The following CDK14 variants were observed in gnomAD, a reference collection of about 807,000 sequenced individuals.
CDK14 encodes the protein cyclin-dependent kinase 14.
Under a neutral mutation model 60.7 loss-of-function variants are expected in CDK14, and 34 were observed. The ratio of observed to expected loss-of-function variants is 0.56; its 90% CI spans 0.43 to 0.75. CDK14 has a LOEUF of 0.75. Among genes scored for constraint, CDK14 ranks in the 30% least tolerant of loss-of-function variants. The pLI is 0.00. For missense variants in CDK14, 482 were observed against 564.1 expected (o/e 0.85, Z 1.47); for synonymous variants, 197 against 203.7 (o/e 0.97, Z 0.28).
chr7:90,816,016 A>G (rs1310391920), intron 5 of CDK14, among the ~76,000 whole-genome samples: 2 of 152,138 alleles, frequency 1.3e-5, no homozygotes, highest in Non-Finnish European at 2.9e-5. Context: ...GCAAACCACC[A>G]TGGCACGTGT....
chr7:91,174,585 G>A (rs1351500743), intron 14 of CDK14, among the ~76,000 whole-genome samples: 1 of 142,944 alleles, frequency 7.0e-6, no homozygotes, highest in Admixed American at 7.5e-5. Context: ...TGTATAACTA[G>A]AATAACCAAT....
chr7:90,887,352 G>A (rs905318654), intron 6 of CDK14, among the ~76,000 whole-genome samples: 2 of 151,916 alleles, frequency 1.3e-5, no homozygotes, highest in Non-Finnish European at 2.9e-5. Flanking sequence ...CTTAAATCAC[G>A]GAGATCTTAC....
intron 9 of CDK14, among the ~76,000 whole-genome samples, chr7:90,963,039 C>G (rs1017584429): frequency 3.3e-5 from 5 of 150,446 alleles, no homozygotes; most frequent in African/African-American, 9.8e-5. Context: ...CTGCCTGTGT[C>G]TTGAGAATCA....
chr7:90,699,701 A>G (rs1470002910), intron 2 of CDK14, among the ~76,000 whole-genome samples: 1 of 152,150 alleles, frequency 6.6e-6, no homozygotes, highest in African/African-American at 2.4e-5. Flanking sequence ...AAATCTCTGA[A>G]ACAAGGTGGA....
chr7:90,728,390 C>T (rs1802718647), intron 3 of CDK14, among the ~76,000 whole-genome samples: 2 of 151,622 alleles, frequency 1.3e-5, no homozygotes, highest in South Asian at 2.1e-4. Flanking sequence ...TTTCTTTTCC[C>T]TATTATTTTA....
chr7:90,819,643 A>G (rs1789473971), intron 5 of CDK14, among the ~76,000 whole-genome samples: 1 of 152,188 alleles, frequency 6.6e-6, no homozygotes, highest in Non-Finnish European at 1.5e-5. Context: ...ATCATGTAAA[A>G]TGCATATATT....
chr7:91,112,761 G>A lies in CDK14; in HGVS notation c.1294+80G>A, dbSNP rs1799502887. 6 of 1,433,910 alleles carry A rather than the reference G, an allele frequency of 4.2e-6. No homozygotes were observed. The South Asian group carries it at 7.2e-5, about 17-fold the overall frequency. 88.8% of individuals were successfully genotyped at this position (1,433,910 alleles called of 1,614,324 possible). On this transcript the variant is annotated intron_variant, in intron 13 of 14. Coordinates refer to ENST00000380050, the MANE Select transcript of CDK14 (RefSeq NM_001287135.2). Reference sequence around the variant, plus strand: ...GGCATCTGTATGTAACGTGTATGCAGAGATTCACATATTTGTGTGTCCACA... The same window carrying A: ...GGCATCTGTATGTAACGTGTATGCAAAGATTCACATATTTGTGTGTCCACA...
chr7:90,892,014 G>A (rs985086512), intron 6 of CDK14, among the ~76,000 whole-genome samples: 2 of 152,180 alleles, frequency 1.3e-5, no homozygotes, highest in African/African-American at 2.4e-5. Context: ...AGAAACATAA[G>A]CACTTACTGA....
intron 14 of CDK14, among the ~76,000 whole-genome samples, chr7:91,120,840 T>A (rs961306690): frequency 6.6e-6 from 1 of 152,058 alleles, no homozygotes; most frequent in East Asian, 1.9e-4. Flanking sequence ...CCTGGCCCAA[T>A]AAAGCTTTAA....
intron 5 of CDK14, among the ~76,000 whole-genome samples, chr7:90,821,295 G>C (rs1789539005): frequency 6.6e-6 from 1 of 152,180 alleles, no homozygotes; most frequent in Non-Finnish European, 1.5e-5. Context: ...ACATGAAGTT[G>C]TACCTAAAAC....
chr7:91,010,760 CTTT>C, intron 10 of CDK14, among the ~76,000 whole-genome samples: 6 of 147,860 alleles, frequency 4.1e-5, no homozygotes, highest in African/African-American at 1.3e-4. Flanking sequence ...TTCCTTCTTT[CTTT>C]CCTTCCTTCT....
chr7:90,970,991 A>G (rs1794906465), intron 9 of CDK14, among the ~76,000 whole-genome samples: 1 of 152,102 alleles, frequency 6.6e-6, no homozygotes, highest in Non-Finnish European at 1.5e-5. Context: ...CAGGTTTGTT[A>G]CATATGTATA....
At chr7:91,072,278 G>C (rs1055096277) in intron 11 of CDK14, among the ~76,000 whole-genome samples, 1 of 152,118 alleles carries the variant, frequency 6.6e-6, no homozygotes, top group Admixed American at 6.5e-5. Flanking sequence ...CATCAGGTAG[G>C]TGCCCCTTGA....
At chr7:90,971,165 T>A (rs77729655) in intron 9 of CDK14, among the ~76,000 whole-genome samples, 14 of 151,856 alleles carry the variant, frequency 9.2e-5, no homozygotes, top group African/African-American at 3.4e-4. Flanking sequence ...TTTTTTTTTT[T>A]TGTCTCGTTT....
chr7:90,988,705 G>C (rs1795444898), intron 10 of CDK14, among the ~76,000 whole-genome samples: 1 of 152,128 alleles, frequency 6.6e-6, no homozygotes, highest in South Asian at 2.1e-4. Flanking sequence ...TTGCACAGCT[G>C]TCTGAAACCT....
chr7:90,992,906 A>G (rs1056350720), intron 10 of CDK14, among the ~76,000 whole-genome samples: 1 of 152,192 alleles, frequency 6.6e-6, no homozygotes, highest in African/African-American at 2.4e-5. Flanking sequence ...TTGAAGTACA[A>G]CTGAATACGT....
intron 5 of CDK14, among the ~76,000 whole-genome samples, chr7:90,829,640 C>T (rs1053412716): frequency 6.6e-6 from 1 of 152,120 alleles, no homozygotes; most frequent in Non-Finnish European, 1.5e-5. Context: ...TCAAGCAGTT[C>T]TCCTGACTCA....
intron 9 of CDK14, among the ~76,000 whole-genome samples, chr7:90,972,622 C>T (rs117231692): frequency 0.013 from 1,987 of 152,206 alleles, 21 homozygotes; most frequent in Non-Finnish European, 0.02. Context: ...AATAAAATTT[C>T]CTATTAGGTT....
intron 14 of CDK14, among the ~76,000 whole-genome samples, chr7:91,198,742 A>C (rs1802627777): frequency 6.6e-6 from 1 of 152,248 alleles, no homozygotes; most frequent in Non-Finnish European, 1.5e-5. Flanking sequence ...ATGGTTCACA[A>C]AACAGGTTCA....
Sources: allele counts gnomAD v4.1 joint callset (sites outside exome capture counted in the v4.1 genomes callset), GRCh38; gene constraint gnomAD v4.1.1; transcripts MANE v1.5; gene names NCBI Gene and HGNC (gene_info 2026-07-23, HGNC 2026-07-21).